ADAMTS19: variants seen among roughly 807,000 people sequenced by gnomAD.
The protein encoded by ADAMTS19 is ADAM metallopeptidase with thrombospondin type 1 motif 19.
Under a neutral mutation model 153.3 loss-of-function variants are expected in ADAMTS19, and 93 were observed. That is an observed-to-expected ratio of 0.61 (90% CI 0.51 to 0.72). The LOEUF (loss-of-function observed/expected upper bound fraction) is 0.72. ADAMTS19 is among the 30% of genes least tolerant of loss of function. The probability of loss-of-function intolerance (pLI) is 0.00; values close to 1 mark genes in which losing one functional copy is unlikely to be tolerated. For synonymous variants in ADAMTS19, 600 were observed against 556.6 expected (o/e 1.08, Z -1.10); for missense variants, 1,482 against 1,552.1 (o/e 0.95, Z 0.76).
chr5:129,699,289 C>A (rs559602345), intron 19 of ADAMTS19, among the ~76,000 whole-genome samples: 6 of 151,882 alleles, frequency 4.0e-5, no homozygotes, highest in Admixed American at 3.9e-4. Context: ...GGGGACATGG[C>A]GGGCATGCCC....
intron 8 of ADAMTS19, among the ~76,000 whole-genome samples, chr5:129,616,919 C>T (rs1026778747): frequency 2.0e-5 from 3 of 151,994 alleles, no homozygotes; most frequent in Non-Finnish European, 4.4e-5. Context: ...AAGAAAAGCA[C>T]CATTGTGTGG....
At chr5:129,609,388 C>G (rs960652527) in intron 8 of ADAMTS19, among the ~76,000 whole-genome samples, 2 of 152,132 alleles carry the variant, frequency 1.3e-5, no homozygotes, top group African/African-American at 4.8e-5. Flanking sequence ...GCACAAAATA[C>G]AGAGTGACTG....
At chr5:129,725,004 C>T (rs559664469) in intron 21 of ADAMTS19, among the ~76,000 whole-genome samples, 2 of 152,216 alleles carry the variant, frequency 1.3e-5, no homozygotes, top group Admixed American at 6.5e-5. Flanking sequence ...CCGGCATTCA[C>T]CCATGCAAGC....
intron 8 of ADAMTS19, among the ~76,000 whole-genome samples, chr5:129,602,454 A>C (rs1484070593): frequency 6.6e-6 from 1 of 152,190 alleles, no homozygotes; most frequent in Non-Finnish European, 1.5e-5. Context: ...TCTAATAAAA[A>C]CAACAGTGTC....
chr5:129,728,488 C>T (rs1362215418), intron 21 of ADAMTS19, among the ~76,000 whole-genome samples: 2 of 152,022 alleles, frequency 1.3e-5, no homozygotes, highest in Non-Finnish European at 2.9e-5. Flanking sequence ...TTCTTAATTA[C>T]CTTGCTTTCA....
intron 19 of ADAMTS19, among the ~76,000 whole-genome samples, chr5:129,696,573 A>G (rs555889479): frequency 2.0e-5 from 3 of 152,312 alleles, no homozygotes; most frequent in African/African-American, 7.2e-5. Flanking sequence ...ATCATGACCC[A>G]TGACATGGTC....
At chr5:129,566,314 T>C (rs1753706024) in intron 7 of ADAMTS19, among the ~76,000 whole-genome samples, 2 of 152,192 alleles carry the variant, frequency 1.3e-5, no homozygotes, top group Non-Finnish European at 2.9e-5. Flanking sequence ...CTTTGAGTTA[T>C]AAGATGCTAG....
At chr5:129,561,548 A>AG (rs1395630093) in intron 7 of ADAMTS19, among the ~76,000 whole-genome samples, 1 of 152,022 alleles carries the variant, frequency 6.6e-6, no homozygotes, top group Non-Finnish European at 1.5e-5. Context: ...AAAAAAAAAA[A>AG]AAAGAAAAAT....
intron 9 of ADAMTS19, among the ~76,000 whole-genome samples, chr5:129,621,677 G>T (rs1287857495): frequency 6.6e-6 from 1 of 152,128 alleles, no homozygotes; most frequent in Non-Finnish European, 1.5e-5. Context: ...TTGTATGGCT[G>T]CCTTCACATG....
At chr5:129,495,275 G>A (rs1023321940) in intron 2 of ADAMTS19, among the ~76,000 whole-genome samples, 4 of 151,924 alleles carry the variant, frequency 2.6e-5, no homozygotes, top group Admixed American at 1.3e-4. Flanking sequence ...TTATTTCAAC[G>A]CATTCTTCAT....
intron 6 of ADAMTS19, among the ~76,000 whole-genome samples, chr5:129,546,915 T>G (rs991147069): frequency 6.6e-6 from 1 of 150,982 alleles, no homozygotes; most frequent in East Asian, 1.9e-4. Context: ...TAAAAACACA[T>G]GAAAAATTGA....
chr5:129,460,414 G>A lies in ADAMTS19; in HGVS notation c.23G>A (p.Arg8His), dbSNP rs1749606242. The A allele has an allele frequency of 6.2e-7, 1 of 1,614,046 alleles. No individual in the cohort carries two copies. Among genetic ancestry groups the A allele is most frequent in the African/African-American group, 1.3e-5 (1 of 75,060 alleles). Residue 8 changes from arginine (R) to histidine (H), a missense_variant, in exon 1 of 23, where the codon CGC becomes CAC. Around this residue, in one of 2 missense-constraint regions of ADAMTS19, gnomAD observed 866 missense variants for 827.7 expected, o/e 1.05. Transcript: ENST00000274487. Reference protein sequence around the residue: MGKNREMRLTHICCCCLL... With the variant: MGKNREMHLTHICCCCLL... ...AGTATGGGGAAGAACCGCGAGATGC[G>A]CCTGACTCACATCTGCTGCTGCTGC... is the stretch of plus-strand genomic sequence containing the variant.
rs139008692 is a variant in ADAMTS19, at chr5:129,690,672, G to T, written c.2819-4048G>T. Among the ~76,000 whole-genome samples the T allele has an allele frequency of 3.7e-3, 566 of 152,146 alleles. 8 individuals carry two copies. The highest frequency in any genetic ancestry group is 0.013 in the African/African-American group (543 of 41,516). Reference sequence around the variant, plus strand: ...AGTCGTTTAAGTTAAATAAATGTAGGTGTAAAAAATAATCAGCATTTTACA... The same window carrying T: ...AGTCGTTTAAGTTAAATAAATGTAGTTGTAAAAAATAATCAGCATTTTACA... On this transcript the variant is annotated intron_variant, in intron 18 of 22. Coordinates refer to ENST00000274487, the MANE Select transcript of ADAMTS19 (RefSeq NM_133638.6).
At chr5:129,686,776 G>C (rs1755111629) in intron 18 of ADAMTS19, among the ~76,000 whole-genome samples, 1 of 152,148 alleles carries the variant, frequency 6.6e-6, no homozygotes, top group African/African-American at 2.4e-5. Context: ...CAGAGGAATG[G>C]TGAAGTTATA....
intron 8 of ADAMTS19, among the ~76,000 whole-genome samples, chr5:129,599,163 A>C (rs1426673471): frequency 2.6e-5 from 4 of 152,136 alleles, no homozygotes; most frequent in Non-Finnish European, 5.9e-5. Context: ...ACCTTGTTTA[A>C]TATTTCATTC....
chr5:129,704,328 G>A lies in ADAMTS19; in HGVS notation c.3249G>A (p.Arg1083=), dbSNP rs1361903570. 2 of 1,613,964 alleles carry A rather than the reference G, an allele frequency of 1.2e-6. No homozygotes were observed. The highest frequency in any genetic ancestry group is 4.5e-5 in the East Asian group (2 of 44,882). Reference sequence around the variant, plus strand: ...AGTGTGTCCTCTCTACCAGACCCAGGGAGGCTGAAGACTGTGAGGATTATT... The same window carrying A: ...AGTGTGTCCTCTCTACCAGACCCAGAGAGGCTGAAGACTGTGAGGATTATT... The part of the protein sequence containing the change: ...RKKCVLSTRP[R]EAEDCEDYSK... The change falls in exon 21 of 23, where the codon AGG becomes AGA. Residue 1083 remains arginine (R), a synonymous_variant. Coordinates refer to ENST00000274487, the MANE Select transcript of ADAMTS19 (RefSeq NM_133638.6).
At chr5:129,603,969 A>G (rs1035842472) in intron 8 of ADAMTS19, among the ~76,000 whole-genome samples, 1 of 152,112 alleles carries the variant, frequency 6.6e-6, no homozygotes, top group African/African-American at 2.4e-5. Context: ...TTCCCACTTT[A>G]TCTCTTCAGC....
intron 3 of ADAMTS19, among the ~76,000 whole-genome samples, chr5:129,517,762 A>C (rs1751661025): frequency 6.6e-6 from 1 of 151,766 alleles, no homozygotes; most frequent in African/African-American, 2.4e-5. Flanking sequence ...TTTTGATTAG[A>C]TAGTTTAGTT....
chr5:129,658,085 G>GA (rs768404809), intron 14 of ADAMTS19, among the ~76,000 whole-genome samples: 5 of 152,004 alleles, frequency 3.3e-5, no homozygotes, highest in Non-Finnish European at 5.9e-5. Flanking sequence ...AGGAGTTCGA[G>GA]ACCAGCGTGA....
Sources: gnomAD v4.1 joint callset for allele counts (sites outside exome capture counted in the v4.1 genomes callset) on GRCh38, gnomAD v4.1.1 for gene constraint, gnomAD v4.1.1 regional missense constraint, MANE v1.5 for transcripts, NCBI Gene and HGNC (gene_info 2026-07-23, HGNC 2026-07-21) for gene names.